The following LRTM3 variants were observed in gnomAD, a reference collection of about 807,000 sequenced individuals.
LRTM3 encodes the protein leucine-rich repeat transmembrane protein 3.
the LRTM3 span, chr13:102,745,352 T>C: frequency 4.6e-5 from 71 of 1,550,562 alleles, no homozygotes; most frequent in Non-Finnish European, 6.0e-5. Flanking sequence ...ACTGAGTCTT[T>C]TTTCTCTTAG....
the LRTM3 span, chr13:102,735,318 A>G: frequency 3.9e-6 from 6 of 1,551,244 alleles, no homozygotes; most frequent in Non-Finnish European, 5.2e-6. Context: ...ACATCACTTG[A>G]AAGTTCTCCA....
At chr13:102,757,761 C>T in the LRTM3 span, among the ~76,000 whole-genome samples, 1 of 152,196 alleles carries the variant, frequency 6.6e-6, no homozygotes, top group Non-Finnish European at 1.5e-5. Context: ...ATTTCTGTCA[C>T]TGTGTCACCA....
the LRTM3 span, chr13:102,745,858 A>G: frequency 6.4e-7 from 1 of 1,551,166 alleles, no homozygotes; most frequent in Non-Finnish European, 8.7e-7. Flanking sequence ...GGCATGAAGT[A>G]GACTTCAAAA....
At chr13:102,750,345 A>C in the LRTM3 span, 1 of 1,532,876 alleles carries the variant, frequency 6.5e-7, no homozygotes, top group Non-Finnish European at 8.8e-7. Context: ...TTTTCTTCAG[A>C]TGTAAGTGAT....
chr13:102,737,725 G>A, the LRTM3 span: 35 of 1,550,352 alleles, frequency 2.3e-5, no homozygotes, highest in Admixed American at 2.0e-4. Flanking sequence ...CTTCACTTGC[G>A]CTATCACCCT....
chr13:102,738,719 A>C, the LRTM3 span: 1 of 1,550,672 alleles, frequency 6.4e-7, no homozygotes, highest in Non-Finnish European at 8.7e-7. Flanking sequence ...TTTTATTCTC[A>C]TGGCTTCCTC....
At chr13:102,757,062 T>A in the LRTM3 span, among the ~76,000 whole-genome samples, 6 of 152,338 alleles carry the variant, frequency 3.9e-5, no homozygotes, top group East Asian at 1.2e-3. Context: ...TGGGTCACCA[T>A]GCACACCTAA....
chr13:102,738,468 T>C, the LRTM3 span: 1 of 1,550,788 alleles, frequency 6.4e-7, no homozygotes, highest in African/African-American at 1.4e-5. Context: ...GGTTCACCTT[T>C]AATATGTTCT....
At chr13:102,741,824 T>C in the LRTM3 span, 2 of 1,550,412 alleles carry the variant, frequency 1.3e-6, no homozygotes, top group Non-Finnish European at 1.7e-6. Flanking sequence ...TTCAAGTTCT[T>C]CATCTGTTCT....
chr13:102,744,960 T>G, the LRTM3 span: 1 of 1,550,826 alleles, frequency 6.4e-7, no homozygotes, highest in Non-Finnish European at 8.7e-7. Flanking sequence ...ATTGCACCAG[T>G]TAAAACTTCA....
the LRTM3 span, chr13:102,735,009 G>T: frequency 5.2e-6 from 8 of 1,551,150 alleles, no homozygotes; most frequent in Admixed American, 1.6e-4. Context: ...GGAAAAGAGG[G>T]TCTTGTTAAT....
At chr13:102,750,571 T>G in the LRTM3 span, among the ~76,000 whole-genome samples, 25 of 152,278 alleles carry the variant, frequency 1.6e-4, no homozygotes, top group Non-Finnish European at 3.5e-4. Context: ...AATAAACTAA[T>G]CGACGGAAAA....
the LRTM3 span, chr13:102,741,541 A>G: frequency 7.1e-6 from 11 of 1,550,172 alleles, no homozygotes; most frequent in African/African-American, 1.4e-5. Context: ...CTTCTTCCTC[A>G]GTTACCTTTC....
At chr13:102,732,044 T>C in the LRTM3 span, 1 of 1,551,448 alleles carries the variant, frequency 6.4e-7, no homozygotes, top group Non-Finnish European at 8.7e-7. Context: ...AGGAAGTTTC[T>C]GCATTTGTTG....
chr13:102,746,428 C>T, the LRTM3 span: 1 of 1,551,182 alleles, frequency 6.4e-7, no homozygotes, highest in Non-Finnish European at 8.7e-7. Context: ...AGAACTCTCT[C>T]TGCAATCTGC....
the LRTM3 span, chr13:102,742,806 T>C: frequency 1.3e-6 from 2 of 1,550,482 alleles, no homozygotes; most frequent in Non-Finnish European, 1.7e-6. Flanking sequence ...TCTGGGACAA[T>C]TGCTGCCAAA....
the LRTM3 span, chr13:102,745,707 C>T: frequency 5.0e-5 from 77 of 1,551,034 alleles, no homozygotes; most frequent in Admixed American, 2.7e-4. Context: ...CCAGCCTGTT[C>T]CTTTTGATGG....
chr13:102,739,867 G>T, the LRTM3 span: 51 of 1,550,008 alleles, frequency 3.3e-5, no homozygotes, highest in African/African-American at 6.4e-4. Context: ...GTTTCACATT[G>T]ACCATTTTGT....
chr13:102,734,145 T>G, the LRTM3 span: 4 of 1,551,494 alleles, frequency 2.6e-6, no homozygotes, highest in Non-Finnish European at 3.5e-6. Flanking sequence ...ATATGTGACA[T>G]TGGTGAAATC....
Sources: allele counts gnomAD v4.1 joint callset (sites outside exome capture counted in the v4.1 genomes callset), GRCh38; gene constraint gnomAD v4.1.1; transcripts MANE v1.5; gene names NCBI Gene and HGNC (gene_info 2026-07-23, HGNC 2026-07-21).